The following IL1RAPL2 variants were observed in gnomAD, a reference collection of about 807,000 sequenced individuals.
The protein encoded by IL1RAPL2 is X-linked interleukin-1 receptor accessory protein-like 2.
IL1RAPL2 carries 3 observed loss-of-function variants against 44.1 expected under a neutral mutation model. The ratio of observed to expected loss-of-function variants is 0.07; its 90% CI spans 0.03 to 0.18. The LOEUF is 0.18. Among genes scored for constraint, IL1RAPL2 ranks in the 10% least tolerant of loss-of-function variants. The probability of loss-of-function intolerance (pLI) is 1.00; values close to 1 mark genes in which losing one functional copy is unlikely to be tolerated. For missense variants in IL1RAPL2, 391 were observed against 496.4 expected (o/e 0.79, Z 2.02); for synonymous variants, 181 against 178.8 (o/e 1.01, Z -0.10).
intron 2 of IL1RAPL2, among the ~76,000 whole-genome samples, chrX:105,083,951 T>A (rs1433567313): frequency 8.9e-6 from 1 of 112,227 alleles, no homozygotes; most frequent in Non-Finnish European, 1.9e-5. Flanking sequence ...CAGGATCGAA[T>A]TAACACATAA....
At chrX:105,105,937 C>T (rs780423030) in intron 2 of IL1RAPL2, among the ~76,000 whole-genome samples, 1 of 111,382 alleles carries the variant, frequency 9.0e-6, no homozygotes, top group Non-Finnish European at 1.9e-5. Context: ...AAATAAGTTC[C>T]TGGACGATTT....
At chrX:104,791,632 A>G (rs1160988620) in intron 2 of IL1RAPL2, among the ~76,000 whole-genome samples, 3 of 112,107 alleles carry the variant, frequency 2.7e-5, no homozygotes, top group African/African-American at 9.7e-5. Context: ...TCCCAGCATT[A>G]AACTAGAGTG....
intron 6 of IL1RAPL2, among the ~76,000 whole-genome samples, chrX:105,667,623 A>G (rs923436817): frequency 8.9e-6 from 1 of 111,875 alleles, no homozygotes; most frequent in African/African-American, 3.2e-5. Context: ...CACAAAATGA[A>G]CAGTTTGAAT....
At chrX:105,357,223 A>G (rs2035210012) in intron 5 of IL1RAPL2, among the ~76,000 whole-genome samples, 1 of 111,534 alleles carries the variant, frequency 9.0e-6, no homozygotes, top group South Asian at 3.8e-4. Flanking sequence ...TACCACCCTC[A>G]CAAGATGATG....
chrX:105,434,489 G>T (rs1283151747), intron 5 of IL1RAPL2, among the ~76,000 whole-genome samples: 1 of 112,234 alleles, frequency 8.9e-6, no homozygotes, highest in Non-Finnish European at 1.9e-5. Flanking sequence ...TTAAAAAATT[G>T]TGGTGCATCC....
chrX:104,838,230 T>G (rs1391516356), intron 2 of IL1RAPL2, among the ~76,000 whole-genome samples: 1 of 111,896 alleles, frequency 8.9e-6, no homozygotes, highest in African/African-American at 3.2e-5. Context: ...TGTTCCATAT[T>G]AAATTTAAAG....
intron 2 of IL1RAPL2, among the ~76,000 whole-genome samples, chrX:105,190,027 C>T (rs1325977131): frequency 8.9e-6 from 1 of 112,158 alleles, no homozygotes; most frequent in Admixed American, 9.4e-5. Context: ...GTCACTTAAA[C>T]TCTCTGAGCT....
intron 2 of IL1RAPL2, among the ~76,000 whole-genome samples, chrX:105,090,846 T>C (rs772241177): frequency 1.1e-4 from 12 of 112,093 alleles, no homozygotes; most frequent in Admixed American, 2.8e-4. Context: ...TGGGGTCTTA[T>C]TGGTTTCATC....
At chrX:105,474,676 T>G (rs947999131) in intron 5 of IL1RAPL2, among the ~76,000 whole-genome samples, 2 of 111,870 alleles carry the variant, frequency 1.8e-5, no homozygotes, top group African/African-American at 6.5e-5. Context: ...CAAAATCGAA[T>G]TTTCATCCCA....
intron 2 of IL1RAPL2, among the ~76,000 whole-genome samples, chrX:104,800,051 A>G (rs1451378319): frequency 9.2e-6 from 1 of 108,248 alleles, no homozygotes; most frequent in Admixed American, 1.0e-4. Flanking sequence ...AGCCACCCCC[A>G]CCACCATTCA....
intron 2 of IL1RAPL2, among the ~76,000 whole-genome samples, chrX:104,907,599 G>A (rs1238631032): frequency 1.9e-4 from 21 of 111,796 alleles, no homozygotes; most frequent in Non-Finnish European, 3.8e-4. Flanking sequence ...CAGTTTCCAT[G>A]TAGTTGAGTG....
intron 2 of IL1RAPL2, among the ~76,000 whole-genome samples, chrX:104,932,325 T>G (rs978201833): frequency 3.6e-5 from 4 of 110,542 alleles, no homozygotes; most frequent in African/African-American, 1.3e-4. Context: ...AAATGTAAAT[T>G]GATATTAAAT....
At chrX:105,512,461 A>G (rs767481535) in intron 6 of IL1RAPL2, among the ~76,000 whole-genome samples, 1 of 112,183 alleles carries the variant, frequency 8.9e-6, no homozygotes, top group South Asian at 3.6e-4. Context: ...ATTAGTAACC[A>G]TATTTCTTGA....
At chrX:105,618,146 C>T (rs1358092228) in intron 6 of IL1RAPL2, among the ~76,000 whole-genome samples, 1 of 108,326 alleles carries the variant, frequency 9.2e-6, no homozygotes, top group Non-Finnish European at 1.9e-5. Flanking sequence ...CACACACACA[C>T]AATCACATGC....
intron 6 of IL1RAPL2, among the ~76,000 whole-genome samples, chrX:105,577,307 T>C (rs1430111880): frequency 9.0e-6 from 1 of 111,582 alleles, no homozygotes; most frequent in East Asian, 2.8e-4. Context: ...TGAATATTGC[T>C]TGTTGGAGCA....
intron 6 of IL1RAPL2, among the ~76,000 whole-genome samples, chrX:105,538,137 C>T (rs1258233189): frequency 7.7e-5 from 8 of 104,242 alleles, no homozygotes; most frequent in Admixed American, 7.3e-4. Context: ...CCTGGGTTCA[C>T]GCCATTCTCC....
intron 3 of IL1RAPL2, among the ~76,000 whole-genome samples, chrX:105,228,727 C>A (rs2034040598): frequency 8.9e-6 from 1 of 112,153 alleles, no homozygotes; most frequent in Admixed American, 9.5e-5. Context: ...GTACGGATAA[C>A]CACAAGTTAG....
intron 7 of IL1RAPL2, among the ~76,000 whole-genome samples, chrX:105,729,162 G>A (rs1457172033): frequency 1.8e-5 from 2 of 111,212 alleles, no homozygotes; most frequent in African/African-American, 6.5e-5. Context: ...CCAAGTTTTG[G>A]CAATTATGAA....
chrX:104,848,003 T>C (rs754082248), intron 2 of IL1RAPL2, among the ~76,000 whole-genome samples: 20 of 110,557 alleles, frequency 1.8e-4, no homozygotes, highest in Admixed American at 5.8e-4. Flanking sequence ...TTGTCTGTTA[T>C]TGGTGTATAA....
Sources: allele counts gnomAD v4.1 joint callset (sites outside exome capture counted in the v4.1 genomes callset), GRCh38; gene constraint gnomAD v4.1.1; transcripts MANE v1.5; gene names NCBI Gene and HGNC (gene_info 2026-07-23, HGNC 2026-07-21).